SLC39A11: variants seen among roughly 807,000 people sequenced by gnomAD.
SLC39A11 encodes zinc transporter ZIP11.
A neutral mutation model predicts 36.1 loss-of-function variants in SLC39A11; 33 were observed. That is an observed-to-expected ratio of 0.91 (90% CI 0.69 to 1.22). SLC39A11 has a LOEUF of 1.22. SLC39A11 is among the 50% of genes most tolerant of loss of function. The pLI is 0.00. For missense variants in SLC39A11, 432 were observed against 430.3 expected (o/e 1.00, Z -0.03); for synonymous variants, 166 against 170.3 (o/e 0.97, Z 0.20).
At chr17:72,983,152 TTTTG>T (rs1376262893) in intron 4 of SLC39A11, among the ~76,000 whole-genome samples, 2 of 147,460 alleles carry the variant, frequency 1.4e-5, no homozygotes, top group African/African-American at 2.6e-5. Context: ...GTTTATTTGT[TTTTG>T]TTTTTTTTTT....
At chr17:72,699,149 G>A (rs76962886) in intron 7 of SLC39A11, among the ~76,000 whole-genome samples, 12,609 of 152,134 alleles carry the variant, frequency 0.083, 686 homozygotes, top group African/African-American at 0.15. Context: ...TCTTTGGGAG[G>A]GGACCGAAAT....
At chr17:73,068,050 G>A in intron 3 of SLC39A11, 1 of 1,576,464 alleles carries the variant, frequency 6.3e-7, no homozygotes, top group East Asian at 2.2e-5. Context: ...GTCCTTGGAT[G>A]GTTCATGTTC....
chr17:72,782,701 A>C (rs1410984904), intron 6 of SLC39A11, among the ~76,000 whole-genome samples: 7 of 139,772 alleles, frequency 5.0e-5, no homozygotes, highest in Non-Finnish European at 1.0e-4. Context: ...AAAAAAAAAA[A>C]AAAAAAAAAA....
At chr17:72,865,672 G>A (rs114690830) in intron 5 of SLC39A11, among the ~76,000 whole-genome samples, 188 of 152,096 alleles carry the variant, frequency 1.2e-3, no homozygotes, top group African/African-American at 4.4e-3. Flanking sequence ...AAAGCTGAAA[G>A]GTCTAAGAGA....
At chr17:73,037,104 G>A (rs968908548) in intron 3 of SLC39A11, among the ~76,000 whole-genome samples, 6 of 152,196 alleles carry the variant, frequency 3.9e-5, no homozygotes, top group African/African-American at 9.7e-5. Flanking sequence ...TTGTCTGGAT[G>A]TACCACAGTT....
chr17:72,894,956 C>T (rs1462957919), intron 5 of SLC39A11, among the ~76,000 whole-genome samples: 1 of 152,150 alleles, frequency 6.6e-6, no homozygotes, highest in Non-Finnish European at 1.5e-5. Context: ...CAGGGTGGTG[C>T]TGTGAAGGTA....
chr17:73,060,210 C>CA lies in SLC39A11; in HGVS notation c.147+24597dup, dbSNP rs33931672. The stretch of plus-strand genomic sequence containing the variant: ...GGGCAACAAGAATGAAACTCCATCT[C>CA]AAAAAAAAAAAAAAAAAAAAGAAAG... On this transcript the variant is annotated intron_variant, in intron 3 of 9. Coordinates refer to ENST00000255559, the MANE Select transcript of SLC39A11 (RefSeq NM_139177.4). Among the ~76,000 whole-genome samples, 630 of 70,292 alleles carry CA rather than the reference C, an allele frequency of 9.0e-3. 6 individuals are homozygous for CA. Among genetic ancestry groups the CA allele is most frequent in the African/African-American group, 0.03 (528 of 17,820 alleles). 46.1% of individuals were successfully genotyped at this position (70,292 alleles called of 152,430 possible). A position where few individuals can be genotyped will look rare whatever the true frequency, so the allele number is the denominator to read the frequency against.
intron 5 of SLC39A11, among the ~76,000 whole-genome samples, chr17:72,859,464 G>C (rs372829188): frequency 1.6e-4 from 25 of 152,170 alleles, no homozygotes; most frequent in African/African-American, 5.5e-4. Flanking sequence ...TTGAGCCCCT[G>C]AGGGGCTCAA....
chr17:72,653,640 A>G (rs755139173), intron 7 of SLC39A11, among the ~76,000 whole-genome samples: 1 of 152,040 alleles, frequency 6.6e-6, no homozygotes, highest in Non-Finnish European at 1.5e-5. Context: ...GGGTTTTACC[A>G]TGTTGGCCAG....
intron 7 of SLC39A11, among the ~76,000 whole-genome samples, chr17:72,688,992 G>A (rs1233565160): frequency 6.6e-6 from 1 of 152,226 alleles, no homozygotes. Flanking sequence ...CTGGTGTTCT[G>A]TTTCCCCCCA....
chr17:72,731,403 G>A (rs190455840), intron 7 of SLC39A11, among the ~76,000 whole-genome samples: 80 of 152,238 alleles, frequency 5.3e-4, no homozygotes, highest in African/African-American at 9.4e-4. Flanking sequence ...CAATGTTGGG[G>A]GTAGGACGTG....
At chr17:72,815,959 G>A (rs1312935408) in intron 6 of SLC39A11, among the ~76,000 whole-genome samples, 2 of 152,178 alleles carry the variant, frequency 1.3e-5, no homozygotes, top group Non-Finnish European at 2.9e-5. Flanking sequence ...TGTTGTTGTT[G>A]TACCTGTGCT....
intron 5 of SLC39A11, among the ~76,000 whole-genome samples, chr17:72,916,372 C>CCTTCTGTCAAGAGGGAAAAA (rs1555630527): frequency 6.6e-6 from 1 of 152,154 alleles, no homozygotes. Flanking sequence ...CAGGCTCTTA[C>CCTTCTGTCAAGAGGGAAAAA]ACGGTTCCTC....
intron 5 of SLC39A11, among the ~76,000 whole-genome samples, chr17:72,864,912 A>G (rs2080226310): frequency 1.3e-5 from 2 of 152,190 alleles, no homozygotes; most frequent in African/African-American, 4.8e-5. Context: ...AACACGAAGG[A>G]CCCAGCTAGG....
intron 6 of SLC39A11, among the ~76,000 whole-genome samples, chr17:72,820,290 G>T (rs2077723481): frequency 6.6e-6 from 1 of 151,262 alleles, no homozygotes; most frequent in African/African-American, 2.4e-5. Flanking sequence ...ACTGAATTTT[G>T]TTGTGCCCCC....
chr17:72,992,781 T>A (rs1382630859), intron 4 of SLC39A11: 2 of 152,208 alleles, frequency 1.3e-5, no homozygotes, highest in Non-Finnish European at 2.9e-5. Flanking sequence ...AGTGGTTACC[T>A]GGGTTCAGAT....
chr17:72,649,339 G>T (rs866322605), intron 7 of SLC39A11, 71 bp from the exon 8 acceptor site: 5 of 1,409,928 alleles, frequency 3.5e-6, no homozygotes, highest in Non-Finnish European at 4.9e-6. Flanking sequence ...GTCCCTGGCC[G>T]AGGCCAAGAC....
chr17:73,054,179 T>C (rs2059594372), intron 3 of SLC39A11, among the ~76,000 whole-genome samples: 1 of 152,052 alleles, frequency 6.6e-6, no homozygotes, highest in Non-Finnish European at 1.5e-5. Context: ...CCTGACCACA[T>C]GGTGAAACCC....
At chr17:73,052,158 C>CA (rs547140919) in intron 3 of SLC39A11, among the ~76,000 whole-genome samples, 144 of 140,976 alleles carry the variant, frequency 1.0e-3, no homozygotes, top group African/African-American at 3.6e-3. Flanking sequence ...GTGTTGCTGA[C>CA]AGAGACCAAA....
Sources: allele counts gnomAD v4.1 joint callset (sites outside exome capture counted in the v4.1 genomes callset), GRCh38; gene constraint gnomAD v4.1.1; transcripts MANE v1.5; gene names NCBI Gene and HGNC (gene_info 2026-07-23, HGNC 2026-07-21).